The following PTPRD variants were observed in gnomAD, a reference collection of about 807,000 sequenced individuals.
PTPRD encodes protein tyrosine phosphatase receptor type D.
Under a neutral mutation model 214.5 loss-of-function variants are expected in PTPRD, and 34 were observed. The ratio of observed to expected loss-of-function variants is 0.16; its 90% confidence interval spans 0.12 to 0.21. The LOEUF (loss-of-function observed/expected upper bound fraction) is 0.21, where lower values mean the gene tolerates loss of function less well. Among genes scored for constraint, PTPRD ranks in the 10% least tolerant of loss-of-function variants. The pLI, the probability that PTPRD is intolerant of heterozygous loss-of-function variation, is 1.00. For synonymous variants in PTPRD, 1,128 were observed against 845.7 expected (o/e 1.33, Z -5.79); for missense variants, 2,545 against 2,398.7 (o/e 1.06, Z -1.27).
At chr9:9,969,228 A>T (rs1566819384) in intron 4 of PTPRD, among the ~76,000 whole-genome samples, 1 of 152,146 alleles carries the variant, frequency 6.6e-6, no homozygotes, top group Non-Finnish European at 1.5e-5. Context: ...GAAGAAAGAG[A>T]AAAAGGCTAG....
chr9:8,591,531 A>T (rs1042650334), intron 14 of PTPRD, among the ~76,000 whole-genome samples: 1 of 152,218 alleles, frequency 6.6e-6, no homozygotes, highest in Non-Finnish European at 1.5e-5. Flanking sequence ...TTGCAATCAA[A>T]ATCAAACAGA....
chr9:10,393,856 G>A (rs1002462817), intron 2 of PTPRD, among the ~76,000 whole-genome samples: 2 of 148,210 alleles, frequency 1.3e-5, no homozygotes, highest in Non-Finnish European at 3.0e-5. Context: ...CCTAACCATA[G>A]AATCATCCTG....
intron 2 of PTPRD, among the ~76,000 whole-genome samples, chr9:10,378,549 C>G (rs988515652): frequency 6.6e-6 from 1 of 151,970 alleles, no homozygotes; most frequent in African/African-American, 2.4e-5. Context: ...ACCCAGTTTT[C>G]CAAGAATCAT....
chr9:9,309,296 A>G (rs1389397493), intron 9 of PTPRD, among the ~76,000 whole-genome samples: 2 of 151,826 alleles, frequency 1.3e-5, no homozygotes, highest in East Asian at 1.9e-4. Flanking sequence ...AAAGGTATAG[A>G]TGAACAGTCA....
chr9:8,331,255 C>G (rs1456546781), intron 44 of PTPRD, among the ~76,000 whole-genome samples: 2 of 151,946 alleles, frequency 1.3e-5, no homozygotes, highest in East Asian at 1.9e-4. Context: ...GCTATGAAAG[C>G]AAAAGCAAAT....
At chr9:10,270,794 C>T (rs1322156) in intron 3 of PTPRD, among the ~76,000 whole-genome samples, 84,296 of 151,994 alleles carry the variant, frequency 0.55, 25,180 homozygotes, top group Non-Finnish European at 0.68. Context: ...CTGAAATATA[C>T]ATTGTACAGT....
chr9:10,207,912 C>G (rs1266188356), intron 3 of PTPRD, among the ~76,000 whole-genome samples: 1 of 152,058 alleles, frequency 6.6e-6, no homozygotes, highest in Non-Finnish European at 1.5e-5. Context: ...AGTAATTTAC[C>G]TATGTTGCTA....
chr9:10,298,389 C>T (rs1024215073), intron 3 of PTPRD, among the ~76,000 whole-genome samples: 12 of 151,940 alleles, frequency 7.9e-5, no homozygotes, highest in African/African-American at 1.9e-4. Flanking sequence ...AATTATAGTA[C>T]GATATGATCC....
At chr9:9,424,425 G>T (rs1283521355) in intron 8 of PTPRD, among the ~76,000 whole-genome samples, 5 of 152,176 alleles carry the variant, frequency 3.3e-5, no homozygotes, top group African/African-American at 1.2e-4. Flanking sequence ...GTGAAGTGCT[G>T]AATAGCCCAC....
chr9:10,302,684 T>A (rs1237418335), intron 3 of PTPRD, among the ~76,000 whole-genome samples: 1 of 152,142 alleles, frequency 6.6e-6, no homozygotes, highest in Non-Finnish European at 1.5e-5. Context: ...TACATAATGG[T>A]AAAGGGATCA....
intron 9 of PTPRD, among the ~76,000 whole-genome samples, chr9:9,261,660 G>GTT (rs1011454049): frequency 1.3e-5 from 2 of 151,568 alleles, no homozygotes; most frequent in African/African-American, 4.9e-5. Flanking sequence ...GTGTGTGTGT[G>GTT]TGTGTGTGTG....
At chr9:8,615,254 C>CG (rs1468546066) in intron 14 of PTPRD, among the ~76,000 whole-genome samples, 2 of 152,030 alleles carry the variant, frequency 1.3e-5, no homozygotes, top group Non-Finnish European at 2.9e-5. Context: ...TGGGAGCCCA[C>CG]GGCTCAGAGA....
intron 10 of PTPRD, among the ~76,000 whole-genome samples, chr9:9,144,758 A>G (rs77241879): frequency 6.6e-6 from 1 of 152,096 alleles, no homozygotes; most frequent in Admixed American, 6.6e-5. Flanking sequence ...GTCAAAAAAC[A>G]AACAAACAAA....
chr9:8,334,707 G>C (rs1472212206), intron 43 of PTPRD, among the ~76,000 whole-genome samples: 1 of 102,764 alleles, frequency 9.7e-6, no homozygotes, highest in Admixed American at 8.8e-5. Context: ...GAAGGAGATA[G>C]ACACACGAAA....
At chr9:8,662,047 G>T (rs2097067576) in intron 12 of PTPRD, among the ~76,000 whole-genome samples, 1 of 152,068 alleles carries the variant, frequency 6.6e-6, no homozygotes, top group Admixed American at 6.6e-5. Context: ...CTCCTGAGTG[G>T]CTGGGACTCC....
chr9:9,648,875 G>T (rs1415283920), intron 7 of PTPRD, among the ~76,000 whole-genome samples: 18 of 152,110 alleles, frequency 1.2e-4, no homozygotes, highest in Non-Finnish European at 1.5e-5. Flanking sequence ...AAATCCCTCA[G>T]GGAAGTATTA....
In PTPRD at chr9:8,407,783, C is replaced by T. The variant is rs566890232; in HGVS notation, c.4087-3123G>A. ...TCAAACAAACATTGATTAAATAATG[C>T]TGACTTGTCTTTGTGCAACACAGCA... is the stretch of plus-strand genomic sequence containing the variant. On this transcript the variant is annotated intron_variant, in intron 35 of 45. Coordinates refer to ENST00000381196, the MANE Select transcript of PTPRD (RefSeq NM_002839.4). Among the ~76,000 whole-genome samples, 3 of 152,262 alleles carry T rather than the reference C, an allele frequency of 2.0e-5. No individual in the cohort carries two copies. The East Asian group carries it at 5.8e-4, about 29-fold the overall frequency.
At chr9:9,007,175 A>T (rs974987925) in intron 11 of PTPRD, among the ~76,000 whole-genome samples, 2 of 151,928 alleles carry the variant, frequency 1.3e-5, no homozygotes, top group East Asian at 3.9e-4. Context: ...TGATGAGGTT[A>T]TGAGTAGAGG....
chr9:10,553,342 C>A (rs1444640410), intron 2 of PTPRD, among the ~76,000 whole-genome samples: 2 of 137,108 alleles, frequency 1.5e-5, no homozygotes, highest in Non-Finnish European at 3.2e-5. Context: ...TGTTAACAAT[C>A]TTTATTTTTT....
Sources: gnomAD v4.1 joint callset for allele counts (sites outside exome capture counted in the v4.1 genomes callset) on GRCh38, gnomAD v4.1.1 for gene constraint, MANE v1.5 for transcripts, NCBI Gene and HGNC (gene_info 2026-07-23, HGNC 2026-07-21) for gene names.